Variants in FRMPD4 observed in about 807,000 individuals in gnomAD.
FRMPD4 encodes FERM and PDZ domain-containing protein 4.
A neutral mutation model predicts 94.1 loss-of-function variants in FRMPD4; 22 were observed. The ratio of observed to expected loss-of-function variants is 0.23; its 90% CI spans 0.17 to 0.33. FRMPD4 has a LOEUF of 0.33. FRMPD4 is among the 10% of genes least tolerant of loss of function. FRMPD4 has a pLI of 1.00. For synonymous variants in FRMPD4, 631 were observed against 548.6 expected (o/e 1.15, Z -2.10); for missense variants, 1,111 against 1,339.9 (o/e 0.83, Z 2.67).
chrX:11,858,743 C>A (rs2053667867), intron 1 of FRMPD4, among the ~76,000 whole-genome samples: 1 of 110,797 alleles, frequency 9.0e-6, no homozygotes, highest in Non-Finnish European at 1.9e-5. Context: ...TCCTGTTTTA[C>A]CCACAGAAAT....
intron 3 of FRMPD4, among the ~76,000 whole-genome samples, chrX:12,000,530 G>A (rs1226958035): frequency 1.8e-5 from 2 of 111,883 alleles, no homozygotes; most frequent in Non-Finnish European, 3.8e-5. Context: ...TAGAGAAATT[G>A]TCAAACATGA....
intron 1 of FRMPD4, among the ~76,000 whole-genome samples, chrX:12,426,639 A>G (rs6654958): frequency 0.033 from 3,626 of 111,257 alleles, 166 homozygotes; most frequent in African/African-American, 0.11. Context: ...CAAACAAAAC[A>G]AACAAAAACA....
intron 1 of FRMPD4, among the ~76,000 whole-genome samples, chrX:12,438,684 T>TGCTTC (rs2057098175): frequency 9.0e-6 from 1 of 111,242 alleles, no homozygotes; most frequent in Admixed American, 9.6e-5. Flanking sequence ...AATACATATT[T>TGCTTC]GCTTAATGAA....
chrX:11,880,645 T>G (rs2053808605), intron 3 of FRMPD4, among the ~76,000 whole-genome samples: 1 of 111,410 alleles, frequency 9.0e-6, no homozygotes, highest in Non-Finnish European at 1.9e-5. Context: ...CACTTATTTT[T>G]ATTTATTTAT....
At chrX:12,024,607 T>C (rs2054649519) in intron 3 of FRMPD4, among the ~76,000 whole-genome samples, 1 of 112,159 alleles carries the variant, frequency 8.9e-6, no homozygotes, top group African/African-American at 3.2e-5. Flanking sequence ...GAATGATGCC[T>C]TACAGAGAAG....
chrX:12,236,682 T>C (rs1311347102), intron 1 of FRMPD4, among the ~76,000 whole-genome samples: 1 of 111,894 alleles, frequency 8.9e-6, no homozygotes, highest in African/African-American at 3.2e-5. Context: ...AAATACCTGA[T>C]AAAACAAGAT....
At chrX:12,199,910 A>T (rs1196037074) in intron 1 of FRMPD4, among the ~76,000 whole-genome samples, 1 of 110,793 alleles carries the variant, frequency 9.0e-6, no homozygotes, top group Non-Finnish European at 1.9e-5. Flanking sequence ...TAAGTTGCTG[A>T]AGCTGTCCTC....
At chrX:12,413,441 C>G (rs1327400240) in intron 1 of FRMPD4, among the ~76,000 whole-genome samples, 1 of 112,178 alleles carries the variant, frequency 8.9e-6, no homozygotes, top group Admixed American at 9.4e-5. Flanking sequence ...ATATTAACAT[C>G]AACCCCGTGA....
At chrX:12,653,593 A>C (rs1444099685) in intron 4 of FRMPD4, among the ~76,000 whole-genome samples, 1 of 111,383 alleles carries the variant, frequency 9.0e-6, no homozygotes, top group Non-Finnish European at 1.9e-5. Context: ...ACAATTTGAA[A>C]ACCGCTAATC....
At chrX:12,085,855 C>A (rs1026001987) in intron 3 of FRMPD4, among the ~76,000 whole-genome samples, 1 of 111,602 alleles carries the variant, frequency 9.0e-6, no homozygotes, top group Non-Finnish European at 1.9e-5. Flanking sequence ...GGCAACAGAG[C>A]AAAATTCTGT....
chrX:12,486,960 C>A (rs2057745855), intron 1 of FRMPD4, among the ~76,000 whole-genome samples: 1 of 111,870 alleles, frequency 8.9e-6, no homozygotes, highest in South Asian at 3.7e-4. Context: ...AATATGGTTA[C>A]TAACAGCATC....
At chrX:11,955,592 A>T (rs1230532731) in intron 3 of FRMPD4, among the ~76,000 whole-genome samples, 4 of 110,021 alleles carry the variant, frequency 3.6e-5, no homozygotes, top group Non-Finnish European at 5.7e-5. Flanking sequence ...ATACAAAAAA[A>T]TTAGCTGGGC....
intron 1 of FRMPD4, among the ~76,000 whole-genome samples, chrX:12,422,882 A>G (rs766580867): frequency 2.1e-4 from 23 of 111,524 alleles, no homozygotes; most frequent in African/African-American, 7.2e-4. Flanking sequence ...GAAGAGGTCC[A>G]AAAATGGGAA....
At chrX:12,173,814 G>A (rs2056259450) in intron 1 of FRMPD4, among the ~76,000 whole-genome samples, 1 of 111,022 alleles carries the variant, frequency 9.0e-6, no homozygotes, top group African/African-American at 3.3e-5. Context: ...TTGGCCTCTC[G>A]ATGTCCTCTG....
intron 3 of FRMPD4, among the ~76,000 whole-genome samples, chrX:11,897,047 G>A (rs1419126295): frequency 9.3e-6 from 1 of 107,670 alleles, no homozygotes; most frequent in Non-Finnish European, 1.9e-5. Flanking sequence ...TAATCTGAGT[G>A]TAAATTACTT....
Position 12,163,096 on chromosome X carries a change from G to A in FRMPD4, c.41+24084G>A, listed in dbSNP as rs1386630868. On this transcript the variant is annotated intron_variant, in intron 1 of 16. Coordinates refer to ENST00000675598, the MANE Select transcript of FRMPD4 (RefSeq NM_001368397.1). ...AAGAGGGCACAATTTTTATGTACAG[G>A]TGAAAATGAAATAGATGGTTGCCAG... 2.7e-5 allele frequency among the ~76,000 whole-genome samples: 3 copies of A among 110,522 alleles called. No individual in the cohort carries two copies. The East Asian group carries it at 8.6e-4, about 32-fold the overall frequency.
At chrX:12,510,877 T>C (rs941658019) in intron 2 of FRMPD4, among the ~76,000 whole-genome samples, 3 of 111,493 alleles carry the variant, frequency 2.7e-5, no homozygotes, top group African/African-American at 9.8e-5. Flanking sequence ...AGAGCACTGA[T>C]GGGACTTGGT....
chrX:11,899,043 C>T (rs913229223), intron 3 of FRMPD4, among the ~76,000 whole-genome samples: 5 of 112,428 alleles, frequency 4.4e-5, no homozygotes, highest in South Asian at 3.7e-4. Flanking sequence ...CTAAAAACTA[C>T]GAAATGGCTT....
intron 2 of FRMPD4, among the ~76,000 whole-genome samples, chrX:12,564,247 A>G (rs1476517428): frequency 8.9e-6 from 1 of 112,590 alleles, no homozygotes; most frequent in Non-Finnish European, 1.9e-5. Context: ...CAACATACCA[A>G]TTTTGGTGGA....
Sources: allele counts gnomAD v4.1 joint callset (sites outside exome capture counted in the v4.1 genomes callset), GRCh38; gene constraint gnomAD v4.1.1; transcripts MANE v1.5; gene names NCBI Gene and HGNC (gene_info 2026-07-23, HGNC 2026-07-21).